The following PTPRN2 variants were observed in gnomAD, a reference collection of about 807,000 sequenced individuals.
PTPRN2 encodes the protein receptor-type tyrosine-protein phosphatase N2.
PTPRN2 carries 74 observed loss-of-function variants against 118.8 expected under a neutral mutation model. The observed-to-expected ratio is 0.62, with a 90% CI of 0.52 to 0.76. PTPRN2 has a LOEUF of 0.76. Among genes scored for constraint, PTPRN2 ranks in the 30% least tolerant of loss-of-function variants. The pLI, the probability that PTPRN2 is intolerant of heterozygous loss-of-function variation, is 0.00. For missense variants in PTPRN2, 1,481 were observed against 1,394.4 expected, an observed-to-expected ratio of 1.06 and a Z score of -0.99; for synonymous variants, 641 against 608.0, an observed-to-expected ratio of 1.05 and a Z score of -0.80.
intron 11 of PTPRN2, among the ~76,000 whole-genome samples, chr7:157,902,875 C>G (rs988739402): frequency 2.0e-5 from 3 of 152,146 alleles, no homozygotes; most frequent in Admixed American, 1.3e-4. Flanking sequence ...AAACAGGCAT[C>G]GTGGTGAGCT....
intron 13 of PTPRN2, among the ~76,000 whole-genome samples, chr7:157,669,764 AG>A (rs140850686): frequency 0.013 from 2,024 of 152,340 alleles, 56 homozygotes; most frequent in South Asian, 0.098. Flanking sequence ...TAAGATCAGT[AG>A]GAAAAAAGCG....
intron 5 of PTPRN2, among the ~76,000 whole-genome samples, chr7:158,183,089 T>A (rs1824851983): frequency 6.6e-6 from 1 of 152,248 alleles, no homozygotes; most frequent in Admixed American, 6.5e-5. Context: ...AAGTCTGTTT[T>A]ATCTGATATT....
chr7:157,551,429 G>C (rs1798591396), intron 21 of PTPRN2, among the ~76,000 whole-genome samples: 1 of 151,906 alleles, frequency 6.6e-6, no homozygotes, highest in South Asian at 2.1e-4. Flanking sequence ...ACAGACCCCA[G>C]CTGGGGCTCA....
At chr7:157,738,379 C>G (rs926513804) in intron 12 of PTPRN2, among the ~76,000 whole-genome samples, 1 of 152,042 alleles carries the variant, frequency 6.6e-6, no homozygotes. Flanking sequence ...AGCAGAGGAG[C>G]GAAGGGAGGA....
At chr7:158,457,884 A>G (rs1160759579) in intron 2 of PTPRN2, among the ~76,000 whole-genome samples, 1 of 152,212 alleles carries the variant, frequency 6.6e-6, no homozygotes, top group Non-Finnish European at 1.5e-5. Context: ...ACTCCTTCCA[A>G]GTTCATTATT....
intron 1 of PTPRN2, among the ~76,000 whole-genome samples, chr7:158,559,644 G>A (rs1586942424): frequency 6.6e-6 from 1 of 152,160 alleles, no homozygotes; most frequent in African/African-American, 2.4e-5. Flanking sequence ...CTCTGAGGCT[G>A]CAATCACCCC....
chr7:157,956,617 C>T (rs1801201543), intron 11 of PTPRN2, among the ~76,000 whole-genome samples: 1 of 152,252 alleles, frequency 6.6e-6, no homozygotes, highest in South Asian at 2.1e-4. Flanking sequence ...TCAGAGCTGC[C>T]AGTGCTCCCC....
chr7:158,154,229 C>T (rs550130666), intron 6 of PTPRN2, among the ~76,000 whole-genome samples: 40 of 152,296 alleles, frequency 2.6e-4, no homozygotes, highest in South Asian at 4.2e-4. Flanking sequence ...TCAGCCAAAC[C>T]GGGCTCAAAC....
Position 157,845,812 on chromosome 7 carries a change from C to T in PTPRN2, c.1788+52861G>A, listed in dbSNP as rs1380791279. 6.6e-6 allele frequency among the ~76,000 whole-genome samples: 1 copy of T among 152,146 alleles called. No homozygotes were observed. The highest frequency in any genetic ancestry group is 1.5e-5 in the Non-Finnish European group (1 of 68,034). On this transcript the variant is annotated intron_variant, in intron 12 of 22. Coordinates refer to ENST00000389418, the MANE Select transcript of PTPRN2 (RefSeq NM_002847.5). The surrounding 1 kb of genome is among the most constrained non-coding windows in gnomAD (Gnocchi z 4.5). ...AGAGGAAGGACAAGCAACGTGGGGC[C>T]ATGGGGAGGGACGGAAGACAGAAGT...
intron 11 of PTPRN2, among the ~76,000 whole-genome samples, chr7:157,966,561 T>A (rs550532593): frequency 4.6e-5 from 7 of 151,146 alleles, no homozygotes; most frequent in Admixed American, 2.0e-4. Context: ...ATTATCACTA[T>A]CATCATCACC....
At chr7:157,835,225 A>G (rs1259603336) in intron 12 of PTPRN2, among the ~76,000 whole-genome samples, 1 of 152,180 alleles carries the variant, frequency 6.6e-6, no homozygotes, top group African/African-American at 2.4e-5. Flanking sequence ...CTTTCCAACG[A>G]AGATGCAAGA....
intron 22 of PTPRN2, among the ~76,000 whole-genome samples, chr7:157,546,087 A>T (rs1414981631): frequency 6.6e-6 from 1 of 152,138 alleles, no homozygotes; most frequent in Middle Eastern, 3.2e-3. Flanking sequence ...ATTTATGTGC[A>T]TGCTCCAAGA....
intron 5 of PTPRN2, among the ~76,000 whole-genome samples, chr7:158,180,061 G>C (rs558156286): frequency 6.6e-6 from 1 of 152,212 alleles, no homozygotes; most frequent in South Asian, 2.1e-4. Context: ...TTTTCAATAA[G>C]GTTGCTTTCT....
In PTPRN2 at chr7:158,533,730, T is replaced by C. The variant is rs569257919; in HGVS notation, c.113-43945A>G. 3.3e-5 allele frequency among the ~76,000 whole-genome samples: 5 copies of C among 152,326 alleles called. No individual in the cohort carries two copies. In the South Asian group the frequency reaches 1.0e-3, roughly 32 times the overall value. On this transcript the variant is annotated intron_variant, in intron 1 of 22. Transcript: ENST00000389418. ...AGCTCTCACCTATAACGGACATCCT[T>C]TCGCCACCACACAGCATTTACCAAG... is the stretch of plus-strand genomic sequence containing the variant.
Position 158,133,914 on chromosome 7 carries a change from T to TC in PTPRN2, c.1318dup (p.Glu440GlyfsTer107). On this transcript the variant is annotated frameshift_variant, in exon 9 of 23. Coordinates refer to ENST00000389418, the MANE Select transcript of PTPRN2 (RefSeq NM_002847.5). LOFTEE classifies it high-confidence loss of function. Reference sequence around the variant, plus strand: ...CTTGACGTTCTCCACTCCGGCAGTCTCCTCTTCTGAAGACAGGGAAGACTC... The same window carrying TC: ...CTTGACGTTCTCCACTCCGGCAGTCTCCCTCTTCTGAAGACAGGGAAGACTC... 1 of 1,613,962 alleles carries TC rather than the reference T, an allele frequency of 6.2e-7. No homozygotes were observed. The highest frequency in any genetic ancestry group is 8.5e-7 in the Non-Finnish European group (1 of 1,180,040).
At chr7:158,302,283 C>T (rs572571875) in intron 3 of PTPRN2, among the ~76,000 whole-genome samples, 3 of 152,326 alleles carry the variant, frequency 2.0e-5, no homozygotes, top group African/African-American at 4.8e-5. Flanking sequence ...CCCAAGGGAA[C>T]AGCCACTCCC....
chr7:158,192,440 C>A lies in PTPRN2; in HGVS notation c.436G>T (p.Ala146Ser). The part of the protein sequence containing the change: ...ERRYSREGGA[A>S]LANALRRHLP... ...TGGCGTCGGAGGGCGTTGGCCAGGG[C>A]AGCACCGCCCTCCCGACTGTACCTC... The change falls in exon 5 of 23, where the codon GCC becomes TCC. Residue 146 changes from alanine to serine, a missense_variant. This residue lies in a region of PTPRN2 where 1,115 missense variants were observed against 994.2 expected (regional missense o/e 1.12). Transcript: ENST00000389418. 6.4e-7 allele frequency: 1 copy of A among 1,562,044 alleles called. No homozygotes were observed. Among genetic ancestry groups the A allele is most frequent in the Non-Finnish European group, 8.6e-7 (1 of 1,161,768 alleles).
At position 157,793,037 on chromosome 7, in the gene PTPRN2, GTA is replaced by G. The variant is rs1436792815; in HGVS notation, c.1788+105634_1788+105635del. Among the ~76,000 whole-genome samples, 6 of 152,148 alleles carry G rather than the reference GTA, an allele frequency of 3.9e-5. No individual in the cohort carries two copies. The East Asian group carries it at 1.2e-3, about 29-fold the overall frequency. On this transcript the variant is annotated intron_variant, in intron 12 of 22. Transcript: ENST00000389418. ...ATGAGATAAATTTTCTATCTATCTTGTAAGGCTTTTTTTCAGAATTAATGGGA... is the reference window on the plus strand; with the variant it reads ...ATGAGATAAATTTTCTATCTATCTTGAGGCTTTTTTTCAGAATTAATGGGA...
At position 157,874,246 on chromosome 7, in the gene PTPRN2, A is replaced by G. The variant is rs1370481413; in HGVS notation, c.1788+24427T>C. On this transcript the variant is annotated intron_variant, in intron 12 of 22. Coordinates refer to ENST00000389418, the MANE Select transcript of PTPRN2 (RefSeq NM_002847.5). The surrounding 1 kb of genome is among the most constrained non-coding windows in gnomAD (Gnocchi z 5.8). ...TGGGCAGGCTGCTCCCTTCACCCCAACACTCCATGGCTCCCCATGGCCTGC... is the reference window on the plus strand; with the variant it reads ...TGGGCAGGCTGCTCCCTTCACCCCAGCACTCCATGGCTCCCCATGGCCTGC... 6.6e-6 allele frequency among the ~76,000 whole-genome samples: 1 copy of G among 151,842 alleles called. No individual in the cohort carries two copies. The highest frequency in any genetic ancestry group is 2.4e-5 in the African/African-American group (1 of 41,332).
Sources: allele counts gnomAD v4.1 joint callset (sites outside exome capture counted in the v4.1 genomes callset), GRCh38; gene constraint gnomAD v4.1.1; regional missense constraint gnomAD v4.1.1; non-coding constraint Gnocchi (gnomAD v3.1); transcripts MANE v1.5; gene names NCBI Gene and HGNC (gene_info 2026-07-23, HGNC 2026-07-21).